PRKD2: variants seen among roughly 807,000 people sequenced by gnomAD.
PRKD2 encodes the protein serine/threonine-protein kinase D2.
In PRKD2, 22 loss-of-function variants were observed where a neutral mutation model predicts 86.0. That is an observed-to-expected ratio of 0.26 (90% confidence interval 0.18 to 0.37). The LOEUF is 0.37. Among genes scored for constraint, PRKD2 ranks in the 10% least tolerant of loss-of-function variants. The pLI, the probability that PRKD2 is intolerant of heterozygous loss-of-function variation, is 1.00. For synonymous variants in PRKD2, 509 were observed against 510.9 expected, an observed-to-expected ratio of 1.00 and a Z score of 0.05; for missense variants, 818 against 1,199.2, an observed-to-expected ratio of 0.68 and a Z score of 4.70.
chr19:46,710,899 G>C lies in PRKD2; in HGVS notation c.511+8C>G. 8.4e-7 allele frequency: 1 copy of C among 1,189,636 alleles called. No individual in the cohort carries two copies. Among genetic ancestry groups the C allele is most frequent in the South Asian group, 1.3e-5 (1 of 78,614 alleles). The allele number at this position is 1,189,636 out of a possible 1,614,324, so 73.7% of individuals were successfully genotyped here. On this transcript the variant is annotated splice_region_variant and intron_variant, in intron 3 of 17. Transcript: ENST00000291281. The stretch of plus-strand genomic sequence containing the variant: ...CCCAGGCCCCGCCCCCAACCCTTTA[G>C]CTCTCACCATCGCACTTGAGGCCCT...
rs80021620 is a variant in PRKD2 at position 46,693,973 on chromosome 19, C to T, written c.1478G>A (p.Gly493Glu). 6.2e-7 allele frequency: 1 copy of T among 1,613,084 alleles called. No homozygotes were observed. Among genetic ancestry groups the T allele is most frequent in the Non-Finnish European group, 8.5e-7 (1 of 1,179,984 alleles). Residue 493 changes from glycine to glutamate, a missense_variant, in exon 10 of 18, where the codon GGG becomes GAG. Gly to Glu is a moderately conservative substitution (Grantham distance 98). Transcript: ENST00000291281. This position sits in a 1 kb window ranked among gnomAD's most constrained non-coding sequence, Gnocchi z 4.5. ...GGTPGGPSGQ[G>E]AEAARGWETA... is the part of the protein sequence containing the mutation. ...CTCCCAGCCCCGGGCGGCCTCAGCC[C>T]CCTGCCCACTTGGCCCACCCGGAGT... is the stretch of plus-strand genomic sequence containing the variant.
In PRKD2 at chr19:46,675,127, G is replaced by T. The variant is rs938170436; in HGVS notation, c.2339-9C>A. 5 of 1,606,298 alleles carry T rather than the reference G, an allele frequency of 3.1e-6. No individual in the cohort carries two copies. In the African/African-American group the frequency reaches 6.7e-5, roughly 21 times the overall value. On this transcript the variant is annotated splice_polypyrimidine_tract_variant and intron_variant, in intron 16 of 17. Coordinates refer to ENST00000291281, the MANE Select transcript of PRKD2 (RefSeq NM_016457.5). The stretch of plus-strand genomic sequence containing the variant: ...GTTGATGAGGTCAATGGCTGCACAG[G>T]AAAGAGAAACAGGTCAAGCCCTACA...
chr19:46,694,229 G>A, intron 9 of PRKD2, 96 bp from the exon 10 acceptor site: 1 of 1,493,766 alleles, frequency 6.7e-7, no homozygotes, highest in Non-Finnish European at 9.1e-7. Context: ...TGTTGATAGG[G>A]ATGGGCCTGG....
chr19:46,713,938 A>C lies in PRKD2; in HGVS notation c.304T>G (p.Ser102Ala). 6.2e-7 allele frequency: 1 copy of C among 1,613,454 alleles called. No homozygotes were observed. The change falls in exon 2 of 18, where the codon TCG becomes GCG. Residue 102 changes from serine to alanine, a missense_variant. Coordinates refer to ENST00000291281, the MANE Select transcript of PRKD2 (RefSeq NM_016457.5). ...CGCACCAGCTGCAGGAGGTTGGCCG[A>C]CGTGGGGTCATGTTTGAAAAGCAGG... ...KILLFKHDPTSANLLQLVRSS... is the reference protein window; with the variant it reads ...KILLFKHDPTAANLLQLVRSS...
chr19:46,710,925 G>A lies in PRKD2; in HGVS notation c.493C>T (p.Gln165Ter), dbSNP rs1462839119. ...CGEMLFGLVRQGLKCDGCGLN... is the reference protein window; with the variant it reads ...CGEMLFGLVR ...CTCTCACCATCGCACTTGAGGCCCTGGCGCACTAGGCCGAAGAGCATCTCC... is the reference window on the plus strand; with the variant it reads ...CTCTCACCATCGCACTTGAGGCCCTAGCGCACTAGGCCGAAGAGCATCTCC... Residue 165 changes from glutamine (Q) to a stop codon, truncating the protein, a stop_gained, in exon 3 of 18, where the codon CAG (glutamine) becomes TAG (stop). Transcript: ENST00000291281. LOFTEE classifies it high-confidence loss of function. 1 of 1,575,922 alleles carries A rather than the reference G, an allele frequency of 6.3e-7. No individual in the cohort carries two copies. The highest frequency in any genetic ancestry group is 8.6e-7 in the Non-Finnish European group (1 of 1,160,610).
chr19:46,689,420 C>T (rs2053450989), intron 14 of PRKD2, 117 bp downstream of exon 14: 3 of 1,237,902 alleles, frequency 2.4e-6, no homozygotes, highest in Non-Finnish European at 3.3e-6. Context: ...ATGATGGTTT[C>T]TGTTATCTGC....
intron 9 of PRKD2, among the ~76,000 whole-genome samples, chr19:46,696,667 A>C (rs2053562807): frequency 6.6e-6 from 1 of 152,056 alleles, no homozygotes; most frequent in African/African-American, 2.4e-5. Flanking sequence ...AGGCAGGAGA[A>C]TCGCTTGAAC....
intron 2 of PRKD2, 45 bp downstream of exon 2, chr19:46,713,818 G>A (rs917067579): frequency 2.9e-6 from 1 of 346,890 alleles, no homozygotes; most frequent in Non-Finnish European, 4.3e-6. Context: ...CAGATGCCCC[G>A]CCCCCACCCG....
chr19:46,686,557 TAGG>T (rs1228270726), intron 14 of PRKD2, among the ~76,000 whole-genome samples: 2 of 150,514 alleles, frequency 1.3e-5, no homozygotes, highest in African/African-American at 4.9e-5. Flanking sequence ...GAGGCTGAGA[TAGG>T]AGAATTGCTT....
chr19:46,701,189 G>A lies in PRKD2; in HGVS notation c.890-77C>T, dbSNP rs755842984. On this transcript the variant is annotated intron_variant, in intron 5 of 17. Coordinates refer to ENST00000291281, the MANE Select transcript of PRKD2 (RefSeq NM_016457.5). ...TGGAAGGCTTGAACCTTGACCCTAA[G>A]CCTCAGGCTCAAAAGAGTCTACTCT... The A allele has an allele frequency of 2.1e-6, 3 of 1,459,772 alleles. No individual in the cohort carries two copies. In the African/African-American group the frequency reaches 4.2e-5, roughly 20 times the overall value. 90.4% of individuals were successfully genotyped at this position (1,459,772 alleles called of 1,614,324 possible). A position where few individuals can be genotyped will look rare whatever the true frequency, so the allele number is the denominator to read the frequency against.
At chr19:46,704,460 T>TA in intron 4 of PRKD2, 35 bp downstream of exon 4, 1 of 1,613,928 alleles carries the variant, frequency 6.2e-7, no homozygotes, top group Non-Finnish European at 8.5e-7. Flanking sequence ...GTCACCCCCC[T>TA]AGCCACCAAC....
At chr19:46,702,017 G>A (rs1317598868) in intron 5 of PRKD2, among the ~76,000 whole-genome samples, 2 of 150,184 alleles carry the variant, frequency 1.3e-5, no homozygotes, top group African/African-American at 2.5e-5. Flanking sequence ...ATTTTATGAA[G>A]GTTCTATGAT....
At chr19:46,714,120 C>A in intron 1 of PRKD2, 119 bp from the exon 2 acceptor site, 1 of 1,434,384 alleles carries the variant, frequency 7.0e-7, no homozygotes, top group Non-Finnish European at 9.2e-7. Context: ...AGAGACCCCG[C>A]AGGCCCTCGC....
intron 5 of PRKD2, among the ~76,000 whole-genome samples, chr19:46,701,440 G>A (rs1714256059): frequency 6.6e-6 from 1 of 151,594 alleles, no homozygotes. Context: ...GCCCTACATG[G>A]TAAAACCTCG....
chr19:46,682,671 G>A (rs1220211551), intron 14 of PRKD2, among the ~76,000 whole-genome samples: 1 of 151,610 alleles, frequency 6.6e-6, no homozygotes, highest in Non-Finnish European at 1.5e-5. Context: ...TGACAGAGCA[G>A]GCATTTCCAA....
intron 14 of PRKD2, among the ~76,000 whole-genome samples, chr19:46,682,286 G>A (rs999764928): frequency 9.2e-5 from 14 of 152,190 alleles, no homozygotes; most frequent in African/African-American, 2.6e-4. Context: ...GATTACAGGC[G>A]TGAGCCACCG....
chr19:46,676,161 G>A (rs1054668325), intron 16 of PRKD2, among the ~76,000 whole-genome samples: 14 of 152,110 alleles, frequency 9.2e-5, no homozygotes, highest in African/African-American at 2.9e-4. Context: ...GGGCGCGGTG[G>A]CTCATGCCTG....
chr19:46,682,279 T>C (rs1315768908), intron 14 of PRKD2, among the ~76,000 whole-genome samples: 1 of 152,138 alleles, frequency 6.6e-6, no homozygotes. Flanking sequence ...GTGCTGGGAT[T>C]ACAGGCGTGA....
chr19:46,687,409 G>GCACAGGCACACAGGCA (rs71177243), intron 14 of PRKD2, among the ~76,000 whole-genome samples: 1 of 151,086 alleles, frequency 6.6e-6, no homozygotes, highest in Admixed American at 6.6e-5. Context: ...CAAACAAAAA[G>GCACAGGCACACAGGCA]CACAGGCACA....
Sources: gnomAD v4.1 joint callset for allele counts (sites outside exome capture counted in the v4.1 genomes callset) on GRCh38, gnomAD v4.1.1 for gene constraint, Gnocchi (gnomAD v3.1) non-coding constraint, MANE v1.5 for transcripts, NCBI Gene and HGNC (gene_info 2026-07-23, HGNC 2026-07-21) for gene names.